ALDH1L1: variants seen among roughly 807,000 people sequenced by gnomAD.
ALDH1L1 encodes the protein cytosolic 10-formyltetrahydrofolate dehydrogenase.
Under a neutral mutation model 101.1 loss-of-function variants are expected in ALDH1L1, and 68 were observed. That is an observed-to-expected ratio of 0.67 (90% CI 0.55 to 0.82). The LOEUF is 0.82. Ranked by LOEUF, ALDH1L1 falls within the 40% of genes least tolerant of loss-of-function variation. ALDH1L1 has a pLI of 0.00. For missense variants in ALDH1L1, 1,087 were observed against 1,172.7 expected (o/e 0.93, Z 1.07); for synonymous variants, 486 against 470.8 (o/e 1.03, Z -0.42).
intron 16 of ALDH1L1, among the ~76,000 whole-genome samples, chr3:126,123,183 A>G (rs13089568): frequency 0.6 from 90,446 of 151,964 alleles, 27,142 homozygotes; most frequent in African/African-American, 0.67. Context: ...AAAAACGATC[A>G]TGAAAGATAA....
At chr3:126,103,930 C>A in intron 22 of ALDH1L1, 84 bp from the exon 23 acceptor site, 1 of 1,488,968 alleles carries the variant, frequency 6.7e-7, no homozygotes, top group Non-Finnish European at 9.2e-7. Flanking sequence ...TCCTCAGCAA[C>A]CACGTGGGGG....
intron 7 of ALDH1L1, chr3:126,153,198 G>A (rs1163780359): frequency 5.4e-6 from 3 of 557,120 alleles, no homozygotes; most frequent in African/African-American, 3.8e-5. Flanking sequence ...CCTGGAGATG[G>A]GTGCCTAGCC....
At chr3:126,190,387 A>G (rs1268295486) in intron 1 of ALDH1L1, among the ~76,000 whole-genome samples, 1 of 152,210 alleles carries the variant, frequency 6.6e-6, no homozygotes, top group African/African-American at 2.4e-5. Flanking sequence ...AATTTGGATC[A>G]CCGTAATGAG....
At chr3:126,119,788 A>G (rs2080042758) in intron 16 of ALDH1L1, among the ~76,000 whole-genome samples, 1 of 152,236 alleles carries the variant, frequency 6.6e-6, no homozygotes, top group Non-Finnish European at 1.5e-5. Context: ...AACAATAAGA[A>G]AACAAACAAC....
chr3:126,130,409 T>G, intron 13 of ALDH1L1, 116 bp from the exon 14 acceptor site: 1 of 858,440 alleles, frequency 1.2e-6, no homozygotes, highest in Non-Finnish European at 1.6e-6. Flanking sequence ...AGCTTAGGTG[T>G]GACCTGAGGC....
chr3:126,136,787 T>C lies in ALDH1L1; in HGVS notation c.1321A>G (p.Thr441Ala), dbSNP rs1016198654. The C allele has an allele frequency of 2.0e-5, 32 of 1,582,002 alleles. No homozygotes were observed. Among genetic ancestry groups the C allele is most frequent in the Non-Finnish European group, 2.7e-5 (31 of 1,163,388 alleles). ...ACACTTCCATCGGTGGGATTGATGG[T>C]CTCAGAGGTCTTGGCGCCCTCGGCA... The part of the protein sequence containing the change: ...VDAEGAKTSE[T>A]INPTDGSVIC... The change falls in exon 11 of 23, where the codon ACC becomes GCC. Residue 441 changes from threonine (T) to alanine (A), a missense_variant. Physicochemically the swap from Thr to Ala is moderately conservative, Grantham distance 58 (BLOSUM62 0). This residue lies in a region of ALDH1L1 where 645 missense variants were observed against 637.0 expected (regional missense o/e 1.01). Coordinates refer to ENST00000393434, the MANE Select transcript of ALDH1L1 (RefSeq NM_012190.4).
Position 126,115,067 on chromosome 3 carries a change from C to T in ALDH1L1, c.1983-411G>A, listed in dbSNP as rs536319520. 8.8e-5 allele frequency: 40 copies of T among 457,014 alleles called. 1 individual carries two copies. Among genetic ancestry groups the T allele is most frequent in the South Asian group, 4.8e-4 (31 of 64,368 alleles). The allele number at this position is 457,014 out of a possible 1,614,324, so 28.3% of individuals were successfully genotyped here. ...AGCATGAGCCTGGCCAGGGCAGGCA[C>T]GCATCTGTCTGGGTCCTATTACAGC... On this transcript the variant is annotated intron_variant, in intron 17 of 22. Transcript: ENST00000393434.
At position 126,139,280 on chromosome 3, in the gene ALDH1L1, G is replaced by A. The variant is rs572328677; in HGVS notation, c.1077-1320C>T. On this transcript the variant is annotated intron_variant, in intron 9 of 22. Coordinates refer to ENST00000393434, the MANE Select transcript of ALDH1L1 (RefSeq NM_012190.4). ...AGACATTTATGGAAATCTTTGTTAG[G>A]TCACTGGCTGACTGCAGGAACAATG... Among the ~76,000 whole-genome samples the A allele has an allele frequency of 4.6e-5, 7 of 152,322 alleles. No homozygotes were observed. In the South Asian group the frequency reaches 1.5e-3, roughly 32 times the overall value.
At chr3:126,170,033 T>TA (rs1327068071) in intron 1 of ALDH1L1, among the ~76,000 whole-genome samples, 3 of 152,064 alleles carry the variant, frequency 2.0e-5, no homozygotes, top group Non-Finnish European at 4.4e-5. Context: ...AAGCAACCCC[T>TA]AACAGTCCAA....
At chr3:126,137,631 G>A (rs1348537730) in intron 10 of ALDH1L1, among the ~76,000 whole-genome samples, 182 bp downstream of exon 10, 1 of 152,152 alleles carries the variant, frequency 6.6e-6, no homozygotes, top group Non-Finnish European at 1.5e-5. Context: ...TGGCAAGCTG[G>A]CCCCACTGTA....
intron 2 of ALDH1L1, chr3:126,160,579 G>T: frequency 4.8e-6 from 2 of 420,546 alleles, no homozygotes; most frequent in Non-Finnish European, 4.2e-6. Context: ...CTCTGTGTGG[G>T]ACCTGGGACC....
intron 10 of ALDH1L1, 51 bp from the exon 11 acceptor site, chr3:126,136,934 G>A (rs2080459995): frequency 1.2e-6 from 2 of 1,608,320 alleles, no homozygotes; most frequent in African/African-American, 1.3e-5. Context: ...GGTGCAGGAA[G>A]CATACACAGA....
In ALDH1L1 at chr3:126,157,950, T is replaced by G. The variant is rs74557618; in HGVS notation, c.363-442A>C. On this transcript the variant is annotated intron_variant, in intron 3 of 22. Transcript: ENST00000393434. ...TCTTGGGAATTCTGTCCCCTCAGAG[T>G]ACCTTGTGGAGGCCATCCTTTGCTC... 9.7e-4 allele frequency among the ~76,000 whole-genome samples: 147 copies of G among 152,228 alleles called. No homozygotes were observed. The East Asian group carries it at 0.026, about 27-fold the overall frequency.
chr3:126,154,761 T>A, intron 5 of ALDH1L1, 118 bp from the exon 6 acceptor site: 1 of 870,684 alleles, frequency 1.1e-6, no homozygotes, highest in South Asian at 1.6e-5. Context: ...AGCTTCCTCT[T>A]AGACACTTGC....
intron 1 of ALDH1L1, among the ~76,000 whole-genome samples, chr3:126,195,330 C>T (rs967796816): frequency 6.6e-6 from 1 of 151,984 alleles, no homozygotes; most frequent in Non-Finnish European, 1.5e-5. Flanking sequence ...TTTTACTTTC[C>T]TGACAAAATA....
upstream of ALDH1L1, among the ~76,000 whole-genome samples, chr3:126,184,139 G>A (rs535340136): frequency 4.0e-4 from 61 of 152,310 alleles, no homozygotes; most frequent in Non-Finnish European, 7.2e-4. Flanking sequence ...AGAAGCTGAG[G>A]CTTGAGGTCA....
At chr3:126,168,609 C>T (rs1053997051) in intron 1 of ALDH1L1, among the ~76,000 whole-genome samples, 8 of 152,210 alleles carry the variant, frequency 5.3e-5, no homozygotes, top group Middle Eastern at 3.4e-3. Flanking sequence ...AAATTTTAAA[C>T]ATATTTAACA....
intron 9 of ALDH1L1, among the ~76,000 whole-genome samples, chr3:126,143,627 A>AT (rs1169538971): frequency 6.6e-6 from 1 of 152,254 alleles, no homozygotes; most frequent in African/African-American, 2.4e-5. Context: ...AAGTTAAATC[A>AT]TATCTCATCA....
At position 126,141,410 on chromosome 3, in the gene ALDH1L1, T is replaced by A. The variant is rs571672109; in HGVS notation, c.1077-3450A>T. Among the ~76,000 whole-genome samples the A allele has an allele frequency of 3.9e-5, 6 of 152,198 alleles. No individual in the cohort carries two copies. In the East Asian group the frequency reaches 7.7e-4, roughly 20 times the overall value. ...AAGAAGAACAGAGCACACATTCTTTTCAAGGTTACATGGAACATTCTTCAT... is the reference window on the plus strand; with the variant it reads ...AAGAAGAACAGAGCACACATTCTTTACAAGGTTACATGGAACATTCTTCAT... On this transcript the variant is annotated intron_variant, in intron 9 of 22. Transcript: ENST00000393434.
Sources: gnomAD v4.1 joint callset for allele counts (sites outside exome capture counted in the v4.1 genomes callset) on GRCh38, gnomAD v4.1.1 for gene constraint, gnomAD v4.1.1 regional missense constraint, MANE v1.5 for transcripts, NCBI Gene and HGNC (gene_info 2026-07-23, HGNC 2026-07-21) for gene names.